The following REL variants were observed in gnomAD, a reference collection of about 807,000 sequenced individuals.
The protein encoded by REL is proto-oncogene c-Rel.
A neutral mutation model predicts 45.9 loss-of-function variants in REL; 15 were observed. The observed-to-expected ratio is 0.33, with a 90% CI of 0.22 to 0.50. REL has a LOEUF of 0.50. Among genes scored for constraint, REL ranks in the 20% least tolerant of loss-of-function variants. The pLI, the probability that REL is intolerant of heterozygous loss-of-function variation, is 0.98. For missense variants in REL, 601 were observed against 715.2 expected (o/e 0.84, Z 1.82); for synonymous variants, 239 against 242.1 (o/e 0.99, Z 0.12).
intron 4 of REL, among the ~76,000 whole-genome samples, chr2:60,907,629 A>C (rs72807480): frequency 0.23 from 34,213 of 152,004 alleles, 4,038 homozygotes; most frequent in Middle Eastern, 0.38. Context: ...GAGACCCCGT[A>C]TCAAAAAAAC....
rs541992689 is a variant in REL at position 60,904,753 on chromosome 2, AG to A, written c.394+3674del. On this transcript the variant is annotated intron_variant, in intron 4 of 9. Transcript: ENST00000394479. ...AAATTTTTTTTAATTAACCAGATGC[AG>A]GGGTGCACAACTGTGGTCTTAGCTA... Among the ~76,000 whole-genome samples the A allele has an allele frequency of 7.6e-3, 1,157 of 151,906 alleles. 11 individuals carry two copies. Among genetic ancestry groups the A allele is most frequent in the Middle Eastern group, 0.014 (4 of 292 alleles).
intron 1 of REL, among the ~76,000 whole-genome samples, chr2:60,888,279 T>A (rs1673119351): frequency 6.6e-6 from 1 of 152,092 alleles, no homozygotes. Flanking sequence ...TTATTCACAC[T>A]CTCTCTTCCC....
At chr2:60,913,385 C>T (rs1356870165) in intron 4 of REL, among the ~76,000 whole-genome samples, 1 of 152,124 alleles carries the variant, frequency 6.6e-6, no homozygotes, top group East Asian at 1.9e-4. Flanking sequence ...TATCTCCCTG[C>T]AGAAAATTTT....
In REL at chr2:60,920,024, G is replaced by C. The variant is rs773318341; in HGVS notation, c.854-17G>C. 1 of 1,559,984 alleles carries C rather than the reference G, an allele frequency of 6.4e-7. No individual in the cohort carries two copies. Among genetic ancestry groups the C allele is most frequent in the East Asian group, 2.2e-5 (1 of 44,568 alleles). On this transcript the variant is annotated splice_polypyrimidine_tract_variant and intron_variant, in intron 7 of 9. Coordinates refer to ENST00000394479, the MANE Select transcript of REL (RefSeq NM_001291746.2). ...CCTATAATTTTTTATCTGCTTTCCT[G>C]GTTTCTTTCTAATCAGATACTTACG...
intron 3 of REL, among the ~76,000 whole-genome samples, chr2:60,895,647 C>T (rs528159094): frequency 1.3e-5 from 2 of 152,276 alleles, no homozygotes; most frequent in South Asian, 4.1e-4. Context: ...AGAAGATGGG[C>T]CCATTCATCA....
chr2:60,915,294 G>A (rs762830254), intron 4 of REL, among the ~76,000 whole-genome samples: 1 of 152,170 alleles, frequency 6.6e-6, no homozygotes, highest in South Asian at 2.1e-4. Flanking sequence ...GCAATTGAGA[G>A]ACACTAATAT....
chr2:60,923,399 A>C lies in REL; in HGVS notation c.*864A>C, dbSNP rs1674197141. 6 of 231,590 alleles carry C rather than the reference A, an allele frequency of 2.6e-5. No individual in the cohort carries two copies. In the East Asian group the frequency reaches 3.7e-4, roughly 14 times the overall value. 14.3% of individuals were successfully genotyped at this position (231,590 alleles called of 1,614,324 possible). A position where few individuals can be genotyped will look rare whatever the true frequency, so the allele number is the denominator to read the frequency against. ...GTACACTCATTTTTTAAGGGGAAGA[A>C]GTTTCCTTGGACCATTCGCCTTTCT... On this transcript the variant is annotated 3_prime_UTR_variant, in exon 10 of 10. Transcript: ENST00000394479.
chr2:60,910,022 A>G (rs552532814), intron 4 of REL, among the ~76,000 whole-genome samples: 1 of 152,350 alleles, frequency 6.6e-6, no homozygotes, highest in African/African-American at 2.4e-5. Context: ...GCTAGTAGAC[A>G]TAATTGATTT....
intron 2 of REL, among the ~76,000 whole-genome samples, chr2:60,893,082 T>A (rs1673261095): frequency 6.6e-6 from 1 of 152,228 alleles, no homozygotes; most frequent in South Asian, 2.1e-4. Flanking sequence ...TTTCTATTTG[T>A]AAACTATTTT....
At chr2:60,911,596 AATG>A (rs1415573391) in intron 4 of REL, among the ~76,000 whole-genome samples, 4 of 152,202 alleles carry the variant, frequency 2.6e-5, no homozygotes, top group Non-Finnish European at 5.9e-5. Flanking sequence ...AAATCAAAGA[AATG>A]ATAAGATTTC....
At chr2:60,912,164 T>G (rs1013134151) in intron 4 of REL, among the ~76,000 whole-genome samples, 1 of 152,116 alleles carries the variant, frequency 6.6e-6, no homozygotes, top group Non-Finnish European at 1.5e-5. Context: ...TAAGGCAGTG[T>G]CATATTGGGA....
In REL at chr2:60,927,134, T is replaced by A. The variant is rs1461736089; in HGVS notation, c.*4599T>A. 2 of 225,304 alleles carry A rather than the reference T, an allele frequency of 8.9e-6. No individual in the cohort carries two copies. Among genetic ancestry groups the A allele is most frequent in the Non-Finnish European group, 1.8e-5 (2 of 113,200 alleles). The allele number at this position is 225,304 out of a possible 1,614,324, so 14.0% of individuals were successfully genotyped here. On this transcript the variant is annotated 3_prime_UTR_variant, in exon 10 of 10. Coordinates refer to ENST00000394479, the MANE Select transcript of REL (RefSeq NM_001291746.2). ...ACATCCTCTTATTTAAGTGTTTGTCTCTTTCGTCATTGGGACTCCAGCACC... is the reference window on the plus strand; with the variant it reads ...ACATCCTCTTATTTAAGTGTTTGTCACTTTCGTCATTGGGACTCCAGCACC...
intron 4 of REL, among the ~76,000 whole-genome samples, chr2:60,904,790 C>T (rs1427952078): frequency 7.2e-5 from 11 of 151,860 alleles, no homozygotes; most frequent in Non-Finnish European, 1.0e-4. Context: ...CTCAGGAGGC[C>T]GAGGTAGGAA....
rs1167957959 is a variant in REL, at chr2:60,926,898, T to A, written c.*4363T>A. The A allele has an allele frequency of 4.4e-6, 1 of 225,976 alleles. No homozygotes were observed. The highest frequency in any genetic ancestry group is 6.3e-5 in the East Asian group (1 of 15,798). The allele number at this position is 225,976 out of a possible 1,614,324, so 14.0% of individuals were successfully genotyped here. ...AATAATCTTTTCCATATGTTCCAGT[T>A]AAAATACCATGTTCTCCCTATTCCT... On this transcript the variant is annotated 3_prime_UTR_variant, in exon 10 of 10. Coordinates refer to ENST00000394479, the MANE Select transcript of REL (RefSeq NM_001291746.2).
chr2:60,929,812 A>C lies in REL; in HGVS notation c.*7277A>C, dbSNP rs1460443735. On this transcript the variant is annotated 3_prime_UTR_variant, in exon 10 of 10. Transcript: ENST00000394479. ...TGTGCACATGTACCCTAAAGCTTAA[A>C]GTATAATAAAAAATAAATAAATAAA... 1 of 151,918 alleles carries C rather than the reference A, an allele frequency of 6.6e-6. No homozygotes were observed. Among genetic ancestry groups the C allele is most frequent in the Non-Finnish European group, 1.5e-5 (1 of 67,976 alleles). 9.4% of individuals were successfully genotyped at this position (151,918 alleles called of 1,614,324 possible).
chr2:60,887,344 C>G (rs1673096480), intron 1 of REL, among the ~76,000 whole-genome samples: 1 of 151,864 alleles, frequency 6.6e-6, no homozygotes, highest in South Asian at 2.1e-4. Context: ...GTAGTGGAAT[C>G]TAATTAAAAA....
At chr2:60,909,794 G>C (rs971460853) in intron 4 of REL, among the ~76,000 whole-genome samples, 3 of 152,110 alleles carry the variant, frequency 2.0e-5, no homozygotes, top group Admixed American at 2.0e-4. Context: ...CTAGCTACTT[G>C]GGAGGCTGAG....
intron 4 of REL, among the ~76,000 whole-genome samples, chr2:60,901,981 T>C (rs1211420518): frequency 6.6e-6 from 1 of 152,226 alleles, no homozygotes; most frequent in Admixed American, 6.5e-5. Context: ...TAACTGTTAC[T>C]TGTAAGCACT....
intron 4 of REL, among the ~76,000 whole-genome samples, chr2:60,902,721 G>C (rs1261704826): frequency 6.6e-6 from 1 of 151,388 alleles, no homozygotes; most frequent in Non-Finnish European, 1.5e-5. Flanking sequence ...AGCCTCCCAA[G>C]TTGTTGGTGC....
Sources: gnomAD v4.1 joint callset for allele counts (sites outside exome capture counted in the v4.1 genomes callset) on GRCh38, gnomAD v4.1.1 for gene constraint, MANE v1.5 for transcripts, NCBI Gene and HGNC (gene_info 2026-07-23, HGNC 2026-07-21) for gene names.